The following FRMD8 variants were observed in gnomAD, a reference collection of about 807,000 sequenced individuals.
FRMD8 encodes FERM domain containing 8.
A neutral mutation model predicts 54.2 loss-of-function variants in FRMD8; 37 were observed. The ratio of observed to expected loss-of-function variants is 0.68; its 90% CI spans 0.53 to 0.90. The LOEUF (loss-of-function observed/expected upper bound fraction) is 0.90. Ranked by LOEUF, FRMD8 falls within the 40% of genes least tolerant of loss-of-function variation. FRMD8 has a pLI of 0.00. For missense variants in FRMD8, 585 were observed against 653.7 expected, an observed-to-expected ratio of 0.89 and a Z score of 1.15; for synonymous variants, 246 against 286.9, an observed-to-expected ratio of 0.86 and a Z score of 1.44.
intron 3 of FRMD8, among the ~76,000 whole-genome samples, chr11:65,391,228 C>A (rs759102128): frequency 6.6e-6 from 1 of 152,242 alleles, no homozygotes; most frequent in Non-Finnish European, 1.5e-5. Flanking sequence ...ATAGCAGCCT[C>A]CAGGCAGGAA....
chr11:65,376,366 G>A, the FRMD8 span: 1 of 1,600,334 alleles, frequency 6.2e-7, no homozygotes, highest in Non-Finnish European at 8.5e-7. Flanking sequence ...TGGCCTCCAG[G>A]CCGTGGGCCT....
At position 65,387,911 on chromosome 11, in the gene FRMD8, C is replaced by G. The variant is rs137978349; in HGVS notation, c.85+790C>G. On this transcript the variant is annotated intron_variant, in intron 2 of 10. Transcript: ENST00000317568. ...GGGCGTAGTAGCTCACACCTGTAAT[C>G]CCAGCACTTTGGGAGGCCGAGGCGG... Among the ~76,000 whole-genome samples the G allele has an allele frequency of 3.3e-3, 506 of 152,142 alleles. 5 individuals are homozygous for G. The highest frequency in any genetic ancestry group is 0.011 in the African/African-American group (475 of 41,542).
At chr11:65,389,302 G>A in intron 2 of FRMD8, 59 bp from the exon 3 acceptor site, 1 of 1,570,558 alleles carries the variant, frequency 6.4e-7, no homozygotes, top group Admixed American at 1.7e-5. Context: ...TGCCTGGTTG[G>A]CCTGGCCTGG....
At chr11:65,385,309 G>A (rs1166937380), upstream of FRMD8, among the ~76,000 whole-genome samples, 1 of 152,178 alleles carries the variant, frequency 6.6e-6, no homozygotes, top group African/African-American at 2.4e-5. Flanking sequence ...AAGTCCTTAA[G>A]TCACATTGGC....
the FRMD8 span, among the ~76,000 whole-genome samples, chr11:65,374,755 C>T: frequency 9.2e-5 from 14 of 152,210 alleles, no homozygotes; most frequent in East Asian, 2.7e-3. Flanking sequence ...GCTATCTGTG[C>T]TCAGGAGTTC....
chr11:65,405,186 C>T (rs762538504), intron 10 of FRMD8, 118 bp downstream of exon 10: 45 of 987,098 alleles, frequency 4.6e-5, no homozygotes, highest in Non-Finnish European at 6.4e-5. Flanking sequence ...GAGCTGGCCT[C>T]CATCTCAGGA....
chr11:65,384,729 C>T (rs532964144), upstream of FRMD8, among the ~76,000 whole-genome samples: 5 of 152,232 alleles, frequency 3.3e-5, no homozygotes, highest in Non-Finnish European at 7.4e-5. Flanking sequence ...TTTTTGGAGA[C>T]AGAGTCTCAC....
Position 65,400,724 on chromosome 11 carries a change from C to T in FRMD8, c.928C>T (p.His310Tyr), listed in dbSNP as rs1163619671. 2.5e-6 allele frequency: 4 copies of T among 1,583,974 alleles called. No homozygotes were observed. Residue 310 changes from histidine to tyrosine, a missense_variant and splice_region_variant, in exon 9 of 11, where the codon CAT (histidine) becomes TAT (tyrosine). Transcript: ENST00000317568. This position sits in a 1 kb window ranked among gnomAD's most constrained non-coding sequence, Gnocchi z 4.3. ...GVHVIDSREK[H>Y]VLLGLRFQEL... The stretch of plus-strand genomic sequence containing the variant: ...TGGCTCTGTGTCTCCTGCTGGCCAG[C>T]ATGTCCTGCTGGGCCTGCGCTTCCA...
At chr11:65,409,781 AAAAG>A (rs758232878) in intron 10 of FRMD8, among the ~76,000 whole-genome samples, 46 of 151,870 alleles carry the variant, frequency 3.0e-4, no homozygotes, top group Non-Finnish European at 5.6e-4. Context: ...AAAAAAAAGA[AAAAG>A]AAAAATTTAT....
In FRMD8 at chr11:65,389,436, C is replaced by G. The variant is rs757317982; in HGVS notation, c.161C>G (p.Ala54Gly). 2.5e-6 allele frequency: 4 copies of G among 1,610,048 alleles called. No individual in the cohort carries two copies. The highest frequency in any genetic ancestry group is 2.5e-6 in the Non-Finnish European group (3 of 1,179,858). The change falls in exon 3 of 11, where the codon GCC (alanine) becomes GGC (glycine). Residue 54 changes from alanine to glycine, a missense_variant. By Grantham distance (60) the Ala-to-Gly change is moderately conservative (BLOSUM62 0). Transcript: ENST00000317568. The stretch of plus-strand genomic sequence containing the variant: ...GTGGAGAACCTGCCCTCGCTCAGTG[C>G]CCATGAGCTGCACCGCGCTGTCCGC... The part of the protein sequence containing the change: ...LAVENLPSLS[A>G]HELHRAVREV...
At chr11:65,370,982 A>G in the FRMD8 span, among the ~76,000 whole-genome samples, 8 of 152,176 alleles carry the variant, frequency 5.3e-5, no homozygotes, top group Admixed American at 4.6e-4. Flanking sequence ...GTGAAGAGGG[A>G]GAGCTCCTCT....
chr11:65,384,493 C>T (rs913701263), upstream of FRMD8, among the ~76,000 whole-genome samples: 1 of 152,036 alleles, frequency 6.6e-6, no homozygotes, highest in African/African-American at 2.4e-5. Flanking sequence ...TGATACTCAC[C>T]TCTTAGTGAG....
intron 7 of FRMD8, among the ~76,000 whole-genome samples, chr11:65,398,840 A>C (rs560478824): frequency 6.6e-6 from 1 of 152,112 alleles, no homozygotes; most frequent in Admixed American, 6.5e-5. Context: ...CAGGAATTCA[A>C]GGTGGCCCAT....
At chr11:65,410,931 C>T (rs1856316268) in intron 10 of FRMD8, among the ~76,000 whole-genome samples, 1 of 152,204 alleles carries the variant, frequency 6.6e-6, no homozygotes, top group Non-Finnish European at 1.5e-5. Flanking sequence ...ATAGTGTTTT[C>T]CAGACATCCC....
the FRMD8 span, among the ~76,000 whole-genome samples, chr11:65,374,998 G>GAA: frequency 6.6e-6 from 1 of 151,964 alleles, no homozygotes; most frequent in East Asian, 1.9e-4. Context: ...AAAAGAAAAA[G>GAA]AAAACAAGCA....
chr11:65,376,449 G>A, the FRMD8 span: 69 of 1,614,190 alleles, frequency 4.3e-5, no homozygotes, highest in Non-Finnish European at 5.8e-5. Flanking sequence ...TGAGGAAGGT[G>A]ACAGCATTGA....
At chr11:65,375,510 AC>A in the FRMD8 span, 1 of 152,468 alleles carries the variant, frequency 6.6e-6, no homozygotes, top group Non-Finnish European at 1.5e-5. Flanking sequence ...GGCACTGTGC[AC>A]TGCTGGCCAG....
intron 10 of FRMD8, 75 bp downstream of exon 10, chr11:65,405,143 C>T: frequency 7.2e-7 from 1 of 1,392,572 alleles, no homozygotes; most frequent in Non-Finnish European, 1.0e-6. Context: ...TTCCTGAGGA[C>T]AGGGCATTGC....
chr11:65,408,854 TC>T (rs1238880737), intron 10 of FRMD8, among the ~76,000 whole-genome samples: 4 of 151,330 alleles, frequency 2.6e-5, no homozygotes, highest in Admixed American at 2.6e-4. Flanking sequence ...CAAATGATCC[TC>T]CCACCTCAGC....
Sources: gnomAD v4.1 joint callset for allele counts (sites outside exome capture counted in the v4.1 genomes callset) on GRCh38, gnomAD v4.1.1 for gene constraint, Gnocchi (gnomAD v3.1) non-coding constraint, MANE v1.5 for transcripts, NCBI Gene and HGNC (gene_info 2026-07-23, HGNC 2026-07-21) for gene names.